The following ZNF385D variants were observed in gnomAD, a reference collection of about 807,000 sequenced individuals.
ZNF385D encodes the protein zinc finger protein 385D.
ZNF385D carries 15 observed loss-of-function variants against 35.8 expected under a neutral mutation model. The ratio of observed to expected loss-of-function variants is 0.42; its 90% CI spans 0.28 to 0.64. ZNF385D has a LOEUF of 0.64. Ranked by LOEUF, ZNF385D falls within the 30% of genes least tolerant of loss-of-function variation. ZNF385D has a pLI of 0.23. For synonymous variants in ZNF385D, 212 were observed against 186.8 expected, an observed-to-expected ratio of 1.13 and a Z score of -1.10; for missense variants, 474 against 494.6, an observed-to-expected ratio of 0.96 and a Z score of 0.39.
At chr3:21,855,317 T>C (rs1262874669) in intron 3 of ZNF385D, among the ~76,000 whole-genome samples, 2 of 152,040 alleles carry the variant, frequency 1.3e-5, no homozygotes, top group Non-Finnish European at 2.9e-5. Flanking sequence ...CAAGCTGATA[T>C]TGCACCTGGA....
At chr3:21,736,063 A>C (rs886690007) in intron 1 of ZNF385D, among the ~76,000 whole-genome samples, 3 of 152,224 alleles carry the variant, frequency 2.0e-5, no homozygotes, top group African/African-American at 4.8e-5. Flanking sequence ...AATCCTTTGC[A>C]TGACATTTTC....
chr3:21,795,287 T>C (rs751446785), intron 3 of ZNF385D, among the ~76,000 whole-genome samples: 22 of 152,296 alleles, frequency 1.4e-4, no homozygotes, highest in Non-Finnish European at 2.4e-4. Context: ...GGACCTCTAA[T>C]AACGAAGAAG....
intron 3 of ZNF385D, among the ~76,000 whole-genome samples, chr3:21,944,232 T>A (rs1701668322): frequency 6.6e-6 from 1 of 152,154 alleles, no homozygotes; most frequent in East Asian, 1.9e-4. Context: ...TCTTCTTAAG[T>A]CTCCTGTGGC....
intron 3 of ZNF385D, among the ~76,000 whole-genome samples, chr3:21,820,976 C>A (rs889689325): frequency 1.3e-5 from 2 of 151,040 alleles, no homozygotes; most frequent in Admixed American, 1.3e-4. Context: ...ATTACAAAAC[C>A]GATTAAAAAA....
At chr3:22,229,830 G>A (rs1396838905) in intron 2 of ZNF385D, among the ~76,000 whole-genome samples, 2 of 151,958 alleles carry the variant, frequency 1.3e-5, no homozygotes, top group African/African-American at 4.8e-5. Flanking sequence ...TGCTTATCCC[G>A]TACCCTTCCT....
intron 3 of ZNF385D, among the ~76,000 whole-genome samples, chr3:22,155,576 A>G (rs1705530291): frequency 6.6e-6 from 1 of 152,084 alleles, no homozygotes; most frequent in South Asian, 2.1e-4. Flanking sequence ...ATCATAAATT[A>G]CTATCTACTG....
At chr3:21,484,561 T>G (rs899261364) in intron 4 of ZNF385D, among the ~76,000 whole-genome samples, 14 of 152,026 alleles carry the variant, frequency 9.2e-5, no homozygotes, top group Non-Finnish European at 1.6e-4. Flanking sequence ...ATGTAAAGGG[T>G]CTAGATCCAT....
intron 3 of ZNF385D, among the ~76,000 whole-genome samples, chr3:21,956,802 A>G (rs777322581): frequency 2.6e-5 from 4 of 151,656 alleles, no homozygotes; most frequent in Non-Finnish European, 5.9e-5. Flanking sequence ...CCTTCAACAA[A>G]AGCATTCCTC....
chr3:22,363,865 A>AT (rs1696530456), intron 2 of ZNF385D, among the ~76,000 whole-genome samples: 1 of 152,052 alleles, frequency 6.6e-6, no homozygotes, highest in African/African-American at 2.4e-5. Flanking sequence ...AACTCAATTA[A>AT]TTTTTACAAG....
intron 2 of ZNF385D, among the ~76,000 whole-genome samples, chr3:21,565,848 C>A (rs571352521): frequency 6.6e-6 from 1 of 152,238 alleles, no homozygotes; most frequent in African/African-American, 2.4e-5. Flanking sequence ...TTGATACACT[C>A]AAAAGTGCTC....
intron 2 of ZNF385D, among the ~76,000 whole-genome samples, chr3:22,279,335 A>G (rs951822525): frequency 1.3e-5 from 2 of 151,668 alleles, no homozygotes; most frequent in African/African-American, 2.4e-5. Context: ...CTTAGCTTCT[A>G]CTTATGAGTA....
At chr3:21,579,080 C>CAAAG (rs2063577590) in intron 2 of ZNF385D, 5 of 152,138 alleles carry the variant, frequency 3.3e-5, no homozygotes, top group Admixed American at 2.0e-4. Flanking sequence ...AAATCTCTTT[C>CAAAG]AAAGACAGTG....
At chr3:21,606,887 A>G (rs2064500336) in intron 2 of ZNF385D, among the ~76,000 whole-genome samples, 1 of 151,962 alleles carries the variant, frequency 6.6e-6, no homozygotes, top group African/African-American at 2.4e-5. Flanking sequence ...TCTTCTGATC[A>G]ATTCTGCTGC....
At chr3:21,490,192 G>A (rs1246234010) in intron 4 of ZNF385D, among the ~76,000 whole-genome samples, 1 of 151,898 alleles carries the variant, frequency 6.6e-6, no homozygotes, top group African/African-American at 2.4e-5. Flanking sequence ...GAGCTGAGGT[G>A]TCTAACTCTG....
chr3:21,764,217 T>C (rs1277964199), intron 3 of ZNF385D, among the ~76,000 whole-genome samples: 1 of 152,192 alleles, frequency 6.6e-6, no homozygotes, highest in Middle Eastern at 3.4e-3. Context: ...ACCCAGAGGA[T>C]AAAGCAGTGT....
At chr3:21,428,076 A>G (rs1433766319) in intron 5 of ZNF385D, among the ~76,000 whole-genome samples, 2 of 152,152 alleles carry the variant, frequency 1.3e-5, no homozygotes, top group Admixed American at 1.3e-4. Flanking sequence ...TAGTTTTATA[A>G]GATCTTAAAG....
intron 3 of ZNF385D, among the ~76,000 whole-genome samples, chr3:22,080,478 A>G (rs1700692371): frequency 6.6e-6 from 1 of 152,110 alleles, no homozygotes; most frequent in South Asian, 2.1e-4. Context: ...GGAAACTAAA[A>G]TCATATAAAT....
intron 3 of ZNF385D, among the ~76,000 whole-genome samples, chr3:21,892,750 GA>G (rs1698937264): frequency 6.6e-6 from 1 of 152,082 alleles, no homozygotes; most frequent in South Asian, 2.1e-4. Context: ...ATAGCCCTCT[GA>G]AGTTAATTTC....
chr3:21,463,163 G>A (rs4858004), intron 4 of ZNF385D, among the ~76,000 whole-genome samples: 126,604 of 152,080 alleles, frequency 0.83, 53,256 homozygotes, highest in East Asian at 0.97. Context: ...TAATTTAAAA[G>A]TTGTAAACAT....
Sources: gnomAD v4.1 joint callset for allele counts (sites outside exome capture counted in the v4.1 genomes callset) on GRCh38, gnomAD v4.1.1 for gene constraint, MANE v1.5 for transcripts, NCBI Gene and HGNC (gene_info 2026-07-23, HGNC 2026-07-21) for gene names.